CEP83: variants seen among roughly 807,000 people sequenced by gnomAD.
CEP83 encodes centrosomal protein of 83 kDa.
In CEP83, 70 loss-of-function variants were observed where a neutral mutation model predicts 101.9. The ratio of observed to expected loss-of-function variants is 0.69; its 90% CI spans 0.57 to 0.84. CEP83 has a LOEUF of 0.84. CEP83 is among the 40% of genes least tolerant of loss of function. CEP83 has a pLI of 0.00. For missense variants in CEP83, 715 were observed against 787.2 expected, an observed-to-expected ratio of 0.91 and a Z score of 1.10; for synonymous variants, 264 against 267.9, an observed-to-expected ratio of 0.99 and a Z score of 0.14.
chr12:94,368,229 C>G (rs1274087817), intron 9 of CEP83, 28 bp from the exon 10 acceptor site: 1 of 1,572,734 alleles, frequency 6.4e-7, no homozygotes. Flanking sequence ...GAAAAGTGTA[C>G]TATATTCAAT....
intron 4 of CEP83, among the ~76,000 whole-genome samples, chr12:94,410,636 AATATCTTGG>A (rs1368787144): frequency 1.3e-5 from 2 of 152,274 alleles, no homozygotes; most frequent in Admixed American, 1.3e-4. Flanking sequence ...GAATCTCTCA[AATATCTTGG>A]GTTCAGCATT....
At chr12:94,367,718 T>A (rs1215499752) in intron 11 of CEP83, 76 bp downstream of exon 11, 4 of 1,004,444 alleles carry the variant, frequency 4.0e-6, no homozygotes, top group Non-Finnish European at 5.7e-6. Context: ...GAATTCTTTG[T>A]ACTAGTTGTA....
chr12:94,351,910 C>A (rs1287619962), intron 11 of CEP83, among the ~76,000 whole-genome samples: 1 of 152,164 alleles, frequency 6.6e-6, no homozygotes, highest in African/African-American at 2.4e-5. Flanking sequence ...ACAGCAGAGA[C>A]CACTGAGGTA....
intron 14 of CEP83, among the ~76,000 whole-genome samples, chr12:94,314,651 C>A (rs1348129320): frequency 6.6e-6 from 1 of 152,194 alleles, no homozygotes; most frequent in Non-Finnish European, 1.5e-5. Flanking sequence ...GGGACTATTA[C>A]AAATAACTCT....
chr12:94,311,740 G>A (rs1969899310), intron 15 of CEP83, among the ~76,000 whole-genome samples: 1 of 152,168 alleles, frequency 6.6e-6, no homozygotes, highest in Non-Finnish European at 1.5e-5. Flanking sequence ...TGGAGAAAAA[G>A]GCTAACTTTC....
Position 94,313,268 on chromosome 12 carries a change from G to A in CEP83, c.1708-251C>T, listed in dbSNP as rs533537041. 248 of 240,138 alleles carry A rather than the reference G, an allele frequency of 1.0e-3. 2 individuals carry two copies. In the East Asian group the frequency reaches 0.014, roughly 14 times the overall value. 14.9% of individuals were successfully genotyped at this position (240,138 alleles called of 1,614,324 possible). ...AAAAAAACTGTTATCAATAATTGCT[G>A]CAAAAAAAAAATCTACAAAGGGAAG... On this transcript the variant is annotated intron_variant, in intron 14 of 16. Transcript: ENST00000397809.
At chr12:94,310,865 G>A (rs1969748131) in intron 15 of CEP83, among the ~76,000 whole-genome samples, 1 of 152,100 alleles carries the variant, frequency 6.6e-6, no homozygotes, top group South Asian at 2.1e-4. Flanking sequence ...CTTTGCCCTT[G>A]GTTCCTGGCA....
At chr12:94,413,136 G>A (rs1413134609) in intron 2 of CEP83, among the ~76,000 whole-genome samples, 1 of 152,148 alleles carries the variant, frequency 6.6e-6, no homozygotes, top group Non-Finnish European at 1.5e-5. Flanking sequence ...TTACAGGCGT[G>A]AGCCACCACG....
At chr12:94,454,919 G>A (rs1257480779) in intron 1 of CEP83, among the ~76,000 whole-genome samples, 1 of 152,072 alleles carries the variant, frequency 6.6e-6, no homozygotes, top group Non-Finnish European at 1.5e-5. Context: ...TTTAAGAGCT[G>A]TAGCACTCAC....
chr12:94,301,512 A>T (rs1968464134), downstream of CEP83, among the ~76,000 whole-genome samples: 1 of 152,238 alleles, frequency 6.6e-6, no homozygotes, highest in Non-Finnish European at 1.5e-5. Flanking sequence ...TAATCAAAGC[A>T]TGAGTACTGT....
the CEP83 span, among the ~76,000 whole-genome samples, chr12:94,290,029 C>T: frequency 1.3e-5 from 2 of 152,164 alleles, no homozygotes; most frequent in Non-Finnish European, 2.9e-5. Context: ...TGGCAGCGTT[C>T]CTTATCAGAA....
At chr12:94,269,381 C>T in the CEP83 span, among the ~76,000 whole-genome samples, 1 of 152,144 alleles carries the variant, frequency 6.6e-6, no homozygotes, top group Non-Finnish European at 1.5e-5. Flanking sequence ...AGGTTTATGC[C>T]AGCCTACCCC....
chr12:94,373,798 C>T (rs185307003), intron 8 of CEP83, among the ~76,000 whole-genome samples: 59 of 152,280 alleles, frequency 3.9e-4, no homozygotes, highest in African/African-American at 1.3e-3. Context: ...CAAACACACC[C>T]CAGGTGTTCC....
At chr12:94,341,648 A>T (rs150054511) in intron 11 of CEP83, among the ~76,000 whole-genome samples, 2 of 152,342 alleles carry the variant, frequency 1.3e-5, no homozygotes, top group African/African-American at 4.8e-5. Flanking sequence ...TCATTTACAC[A>T]TTGTAAGTGA....
At chr12:94,273,429 G>A in the CEP83 span, among the ~76,000 whole-genome samples, 1 of 152,108 alleles carries the variant, frequency 6.6e-6, no homozygotes, top group Non-Finnish European at 1.5e-5. Flanking sequence ...TTAGAGACTG[G>A]AAGCCAAGTG....
intron 1 of CEP83, among the ~76,000 whole-genome samples, chr12:94,440,899 T>C (rs1406611762): frequency 6.6e-6 from 1 of 152,178 alleles, no homozygotes; most frequent in Non-Finnish European, 1.5e-5. Context: ...CAACTGATAT[T>C]TGACAAAGCA....
the CEP83 span, among the ~76,000 whole-genome samples, chr12:94,299,109 A>AT: frequency 1.3e-5 from 2 of 152,156 alleles, no homozygotes; most frequent in African/African-American, 2.4e-5. Flanking sequence ...GTTTTATATC[A>AT]TTTTTGCATT....
downstream of CEP83, chr12:94,305,385 A>G: frequency 1.4e-6 from 1 of 691,224 alleles, no homozygotes; most frequent in Non-Finnish European, 2.5e-6. Flanking sequence ...TTGTTTGCAC[A>G]TAGGTTCCAC....
chr12:94,459,838 T>C lies in CEP83; in HGVS notation c.-436A>G. On this transcript the variant is annotated 5_prime_UTR_variant, in exon 1 of 17. Transcript: ENST00000397809. ...CGGCGGCGGCGGTGAAAAGCCCCAC[T>C]CCTCCGCGTGGACCGGGATCCTCAG... is the stretch of plus-strand genomic sequence containing the variant. The C allele has an allele frequency of 6.5e-6, 1 of 153,480 alleles. No homozygotes were observed. Among genetic ancestry groups the C allele is most frequent in the Non-Finnish European group, 1.5e-5 (1 of 68,948 alleles). The allele number at this position is 153,480 out of a possible 1,614,324, so 9.5% of individuals were successfully genotyped here.
Sources: gnomAD v4.1 joint callset for allele counts (sites outside exome capture counted in the v4.1 genomes callset) on GRCh38, gnomAD v4.1.1 for gene constraint, MANE v1.5 for transcripts, NCBI Gene and HGNC (gene_info 2026-07-23, HGNC 2026-07-21) for gene names.